The following PDS5A variants were observed in gnomAD, a reference collection of about 807,000 sequenced individuals.
PDS5A encodes sister chromatid cohesion protein PDS5 homolog A.
Under a neutral mutation model 167.1 loss-of-function variants are expected in PDS5A, and 42 were observed. The ratio of observed to expected loss-of-function variants is 0.25; its 90% CI spans 0.20 to 0.33. The LOEUF (loss-of-function observed/expected upper bound fraction) is 0.33. Ranked by LOEUF, PDS5A falls within the 10% of genes least tolerant of loss-of-function variation. PDS5A has a pLI of 1.00. For synonymous variants in PDS5A, 553 were observed against 554.6 expected, an observed-to-expected ratio of 1.00 and a Z score of 0.04; for missense variants, 1,033 against 1,605.9, an observed-to-expected ratio of 0.64 and a Z score of 6.10.
At chr4:39,966,469 G>T (rs778126916) in intron 2 of PDS5A, among the ~76,000 whole-genome samples, 2 of 152,170 alleles carry the variant, frequency 1.3e-5, no homozygotes, top group African/African-American at 2.4e-5. Flanking sequence ...AAATAGGCCA[G>T]ATGAGAATGG....
intron 18 of PDS5A, among the ~76,000 whole-genome samples, chr4:39,878,680 C>T (rs184941066): frequency 9.9e-5 from 15 of 152,280 alleles, no homozygotes; most frequent in Non-Finnish European, 1.2e-4. Context: ...AAAAATACAA[C>T]TCAATTACTA....
chr4:39,842,938 T>TATATATATATATATATATATATATA (rs1349599395), intron 30 of PDS5A, among the ~76,000 whole-genome samples: 129 of 132,966 alleles, frequency 9.7e-4, no homozygotes, highest in African/African-American at 1.5e-3. Context: ...TATATATATA[T>TATATATATATATATATATATATATA]TTTAAGAGAC....
chr4:39,942,728 T>G (rs1192287426), intron 2 of PDS5A, among the ~76,000 whole-genome samples: 1 of 152,120 alleles, frequency 6.6e-6, no homozygotes, highest in East Asian at 1.9e-4. Flanking sequence ...ACCGTCAACT[T>G]CCTCTTCTGA....
At chr4:39,862,159 T>A (rs1473567705) in intron 26 of PDS5A, 60 bp downstream of exon 26, 2 of 594,774 alleles carry the variant, frequency 3.4e-6, no homozygotes, top group Non-Finnish European at 5.7e-6. Flanking sequence ...AACAAAAAAT[T>A]TACCATTTTT....
chr4:39,847,635 TAGAG>T (rs1192615473), intron 28 of PDS5A: 4 of 152,092 alleles, frequency 2.6e-5, no homozygotes, highest in Admixed American at 6.6e-5. Flanking sequence ...TGGATTCAAT[TAGAG>T]AGCATACTTT....
chr4:39,894,017 G>A lies in PDS5A; in HGVS notation c.1771-3653C>T, dbSNP rs186927113. 8.5e-5 allele frequency among the ~76,000 whole-genome samples: 13 copies of A among 152,326 alleles called. 1 individual carries two copies. In the East Asian group the frequency reaches 2.3e-3, roughly 27 times the overall value. ...ATTGTCTGATCTAATTATAATAGTA[G>A]ATTCTCTGCAGGACACAGTACTCTG... On this transcript the variant is annotated intron_variant, in intron 16 of 32. Coordinates refer to ENST00000303538, the MANE Select transcript of PDS5A (RefSeq NM_001100399.2).
At chr4:39,923,146 T>C (rs983869223) in intron 5 of PDS5A, among the ~76,000 whole-genome samples, 2 of 151,628 alleles carry the variant, frequency 1.3e-5, no homozygotes, top group Non-Finnish European at 1.5e-5. Context: ...CTGGCCAACA[T>C]GGTGAAACCC....
At chr4:39,929,749 T>C (rs188691885) in intron 2 of PDS5A, among the ~76,000 whole-genome samples, 23 of 150,346 alleles carry the variant, frequency 1.5e-4, no homozygotes, top group Non-Finnish European at 2.7e-4. Flanking sequence ...AATTTTATTA[T>C]TATTATTTTT....
At chr4:39,849,476 T>A (rs958825157) in intron 27 of PDS5A, 44 bp downstream of exon 27, 2 of 1,348,582 alleles carry the variant, frequency 1.5e-6, no homozygotes, top group Non-Finnish European at 2.0e-6. Flanking sequence ...ACAATATATT[T>A]TTCTATTACA....
intron 2 of PDS5A, among the ~76,000 whole-genome samples, chr4:39,941,409 T>C (rs1266781054): frequency 6.6e-6 from 1 of 152,222 alleles, no homozygotes; most frequent in South Asian, 2.1e-4. Context: ...AATGGCAGTT[T>C]ACTCACTGAG....
At chr4:39,944,537 A>G (rs1172910784) in intron 2 of PDS5A, among the ~76,000 whole-genome samples, 2 of 152,004 alleles carry the variant, frequency 1.3e-5, no homozygotes, top group Non-Finnish European at 2.9e-5. Flanking sequence ...TACTAAAAAT[A>G]CAAAAACTTA....
chr4:39,966,009 T>TAA (rs1296345794), intron 2 of PDS5A, among the ~76,000 whole-genome samples: 1 of 152,186 alleles, frequency 6.6e-6, no homozygotes, highest in Non-Finnish European at 1.5e-5. Flanking sequence ...CAGCAACAGA[T>TAA]AACCAGAACA....
At chr4:39,873,593 C>T (rs570189195) in intron 20 of PDS5A, among the ~76,000 whole-genome samples, 1 of 147,484 alleles carries the variant, frequency 6.8e-6, no homozygotes, top group East Asian at 2.0e-4. Context: ...TAAAATGAGG[C>T]CAGTCATTAT....
intron 2 of PDS5A, among the ~76,000 whole-genome samples, chr4:39,951,926 A>G (rs1276157629): frequency 2.0e-5 from 3 of 146,400 alleles, no homozygotes; most frequent in Non-Finnish European, 4.5e-5. Context: ...AAAAATCTGT[A>G]TCACTAACAC....
intron 19 of PDS5A, among the ~76,000 whole-genome samples, chr4:39,875,614 T>C (rs556969168): frequency 2.5e-4 from 38 of 152,286 alleles, no homozygotes; most frequent in African/African-American, 7.2e-4. Context: ...TGCTAGTTGG[T>C]ATGAATCTGA....
At chr4:39,902,580 T>C (rs886873130) in intron 12 of PDS5A, 120 bp from the exon 13 acceptor site, 4 of 539,416 alleles carry the variant, frequency 7.4e-6, no homozygotes, top group Non-Finnish European at 9.8e-6. Context: ...TGGAGTACAG[T>C]GGTGCAAACT....
chr4:39,958,384 G>A (rs1485232148), intron 2 of PDS5A, among the ~76,000 whole-genome samples: 1 of 151,082 alleles, frequency 6.6e-6, no homozygotes, highest in Non-Finnish European at 1.5e-5. Flanking sequence ...GTGTGCGCCT[G>A]TAGTACCAGC....
At chr4:39,913,264 TA>T (rs1724056087) in intron 9 of PDS5A, among the ~76,000 whole-genome samples, 1 of 151,996 alleles carries the variant, frequency 6.6e-6, no homozygotes, top group Non-Finnish European at 1.5e-5. Context: ...TTTGTATTTT[TA>T]GTAGAGACAC....
chr4:39,889,462 G>A lies in PDS5A; in HGVS notation c.1886+787C>T, dbSNP rs986300941. 3.9e-5 allele frequency among the ~76,000 whole-genome samples: 6 copies of A among 152,342 alleles called. No homozygotes were observed. In the South Asian group the frequency reaches 8.3e-4, roughly 21 times the overall value. On this transcript the variant is annotated intron_variant, in intron 17 of 32. Coordinates refer to ENST00000303538, the MANE Select transcript of PDS5A (RefSeq NM_001100399.2). Reference sequence around the variant, plus strand: ...ATTCACCTAAGGTGAAATAAACAGCGAAGCTTGGGTACTGGAACTGATCTC... The same window carrying A: ...ATTCACCTAAGGTGAAATAAACAGCAAAGCTTGGGTACTGGAACTGATCTC...
Sources: gnomAD v4.1 joint callset for allele counts (sites outside exome capture counted in the v4.1 genomes callset) on GRCh38, gnomAD v4.1.1 for gene constraint, MANE v1.5 for transcripts, NCBI Gene and HGNC (gene_info 2026-07-23, HGNC 2026-07-21) for gene names.